FCHO1: variants seen among roughly 807,000 people sequenced by gnomAD.
The protein encoded by FCHO1 is FCH and mu domain containing endocytic adaptor 1.
Under a neutral mutation model 114.4 loss-of-function variants are expected in FCHO1, and 45 were observed. The observed-to-expected ratio is 0.39, with a 90% confidence interval of 0.31 to 0.50. FCHO1 has a LOEUF of 0.50. Ranked by LOEUF, FCHO1 falls within the 20% of genes least tolerant of loss-of-function variation. The pLI is 0.77. For missense variants in FCHO1, 1,042 were observed against 1,209.6 expected, an observed-to-expected ratio of 0.86 and a Z score of 2.06; for synonymous variants, 480 against 488.9, an observed-to-expected ratio of 0.98 and a Z score of 0.24.
intron 18 of FCHO1, among the ~76,000 whole-genome samples, chr19:17,777,506 A>G (rs1010789181): frequency 7.6e-6 from 1 of 130,780 alleles, no homozygotes; most frequent in African/African-American, 2.9e-5. Flanking sequence ...ATTGCATTCC[A>G]GCCTGGGCAG....
At position 17,778,330 on chromosome 19, in the gene FCHO1, G is replaced by T. The variant is rs2092910071; in HGVS notation, c.1351+102G>T. 2.9e-6 allele frequency: 3 copies of T among 1,027,770 alleles called. No individual in the cohort carries two copies. The African/African-American group carries it at 4.7e-5, about 16-fold the overall frequency. The allele number at this position is 1,027,770 out of a possible 1,614,324, so 63.7% of individuals were successfully genotyped here. On this transcript the variant is annotated intron_variant, in intron 19 of 28. Transcript: ENST00000596536. ...ATGAGGTCCCCTGGAAGCCAGGCTGGAGGGAGGACTAGTCCGTGTAGGGGT... is the reference window on the plus strand; with the variant it reads ...ATGAGGTCCCCTGGAAGCCAGGCTGTAGGGAGGACTAGTCCGTGTAGGGGT...
rs771697942 is a variant in FCHO1 at position 17,787,830 on chromosome 19, G to A, written c.2631G>A (p.Lys877=). ...GCGGTTACCGCATGTCGCTGGTGAAGAGGAGGTTTGCCACAGGTACTCCCC... is the reference window on the plus strand; with the variant it reads ...GCGGTTACCGCATGTCGCTGGTGAAAAGGAGGTTTGCCACAGGTACTCCCC... ...VGSGYRMSLV[K]RRFATGMYLV... The change falls in exon 28 of 29, where the codon AAG becomes AAA. Residue 877 remains lysine (K), a synonymous_variant. Transcript: ENST00000596536. 1 of 1,613,398 alleles carries A rather than the reference G, an allele frequency of 6.2e-7. No individual in the cohort carries two copies. The highest frequency in any genetic ancestry group is 8.5e-7 in the Non-Finnish European group (1 of 1,179,796).
rs572526179 is a variant in FCHO1, at chr19:17,776,774, G to A, written c.1259+88G>A. ...TCTCCGCCTGGTGTTCTCTTGTCCC[G>A]GCTGGGAGTTGACGTCATGCTGGGG... is the stretch of plus-strand genomic sequence containing the variant. On this transcript the variant is annotated intron_variant, in intron 18 of 28. Coordinates refer to ENST00000596536, the MANE Select transcript of FCHO1 (RefSeq NM_015122.3). This position sits in a 1 kb window ranked among gnomAD's most constrained non-coding sequence, Gnocchi z 4.4. 88 of 1,278,846 alleles carry A rather than the reference G, an allele frequency of 6.9e-5. No homozygotes were observed. The highest frequency in any genetic ancestry group is 6.8e-4 in the African/African-American group (46 of 67,300). The allele number at this position is 1,278,846 out of a possible 1,614,324, so 79.2% of individuals were successfully genotyped here. A position where few individuals can be genotyped will look rare whatever the true frequency, so the allele number is the denominator to read the frequency against.
Position 17,787,191 on chromosome 19 carries a change from T to C in FCHO1, c.2483-491T>C, listed in dbSNP as rs1175701012. On this transcript the variant is annotated intron_variant, in intron 27 of 28. Transcript: ENST00000596536. ...GTGAGCCGAGATCGTGCCACTGCACTCCAGCCAGGGTGACAGAGCGAGACT... is the reference window on the plus strand; with the variant it reads ...GTGAGCCGAGATCGTGCCACTGCACCCCAGCCAGGGTGACAGAGCGAGACT... Among the ~76,000 whole-genome samples, 3 of 119,988 alleles carry C rather than the reference T, an allele frequency of 2.5e-5. No individual in the cohort carries two copies. The Admixed American group carries it at 3.5e-4, about 14-fold the overall frequency. 78.7% of individuals were successfully genotyped at this position (119,988 alleles called of 152,430 possible). A position where few individuals can be genotyped will look rare whatever the true frequency, so the allele number is the denominator to read the frequency against.
chr19:17,754,829 C>T, intron 3 of FCHO1, 148 bp downstream of exon 3: 1 of 361,862 alleles, frequency 2.8e-6, no homozygotes. Context: ...ACCCCACATT[C>T]CATGCCCCCT....
intron 4 of FCHO1, chr19:17,755,518 GGGTC>G: frequency 4.3e-6 from 1 of 233,000 alleles, no homozygotes. Flanking sequence ...CCAGGACCCA[GGGTC>G]ATTCCAGCCA....
At chr19:17,786,531 A>G (rs749568543) in intron 26 of FCHO1, 43 bp from the exon 27 acceptor site, 10 of 1,606,086 alleles carry the variant, frequency 6.2e-6, no homozygotes, top group Non-Finnish European at 8.5e-6. Context: ...GGCTCTCAGC[A>G]TCCTCTCTGG....
At chr19:17,765,488 A>G (rs1468818116) in intron 6 of FCHO1, among the ~76,000 whole-genome samples, 2 of 152,084 alleles carry the variant, frequency 1.3e-5, no homozygotes, top group African/African-American at 4.8e-5. Flanking sequence ...CCTGGGCAAC[A>G]TGGAGAAACC....
chr19:17,765,765 T>C (rs1035283710), intron 6 of FCHO1, among the ~76,000 whole-genome samples: 8 of 150,856 alleles, frequency 5.3e-5, no homozygotes, highest in South Asian at 2.1e-4. Context: ...AAAAGTTCTG[T>C]GGGGCAGGCA....
At chr19:17,780,630 C>G (rs2093313884) in intron 20 of FCHO1, among the ~76,000 whole-genome samples, 1 of 151,920 alleles carries the variant, frequency 6.6e-6, no homozygotes, top group Non-Finnish European at 1.5e-5. Flanking sequence ...CAGGGCAGCC[C>G]CCGCCCCCGA....
At chr19:17,768,942 A>G (rs1468251656) in intron 7 of FCHO1, among the ~76,000 whole-genome samples, 1 of 150,266 alleles carries the variant, frequency 6.7e-6, no homozygotes, top group African/African-American at 2.5e-5. Context: ...TGAGCCTAAG[A>G]GTTAGAGACC....
intron 4 of FCHO1, among the ~76,000 whole-genome samples, chr19:17,761,664 T>C (rs1024879223): frequency 5.2e-5 from 7 of 135,580 alleles, no homozygotes; most frequent in South Asian, 4.8e-4. Context: ...ACACACACAC[T>C]TCCCCCCCGC....
chr19:17,772,450 G>A lies in FCHO1; in HGVS notation c.595-7G>A. ...CCTTTCCACCTGCCTCTGCCCTCCT[G>A]CTTCAGCGCTTCCAAGCCATGGAGG... is the stretch of plus-strand genomic sequence containing the variant. On this transcript the variant is annotated splice_polypyrimidine_tract_variant and splice_region_variant and intron_variant, in intron 9 of 28. Transcript: ENST00000596536. The A allele has an allele frequency of 6.2e-7, 1 of 1,613,134 alleles. No individual in the cohort carries two copies. Among genetic ancestry groups the A allele is most frequent in the Non-Finnish European group, 8.5e-7 (1 of 1,179,296 alleles).
At chr19:17,780,951 C>T (rs2093346655) in intron 20 of FCHO1, among the ~76,000 whole-genome samples, 1 of 152,242 alleles carries the variant, frequency 6.6e-6, no homozygotes, top group South Asian at 2.1e-4. Context: ...CCCCTTACAG[C>T]ATGCCTGCGT....
intron 4 of FCHO1, among the ~76,000 whole-genome samples, chr19:17,758,263 A>G (rs2084588828): frequency 6.6e-6 from 1 of 151,410 alleles, no homozygotes; most frequent in Non-Finnish European, 1.5e-5. Flanking sequence ...AGGGAGCAAC[A>G]GTGAAGTGGG....
In FCHO1 at chr19:17,774,371, G is replaced by A. The variant is rs751669268; in HGVS notation, c.836-23G>A. The A allele has an allele frequency of 1.9e-5, 31 of 1,613,548 alleles. No individual in the cohort carries two copies. In the Admixed American group the frequency reaches 4.7e-4, roughly 24 times the overall value. ...TGTGAAAGGAGGCTCACAGTGCTCAGGTGCCCCCCAATCTATCCTCAGCGA... is the reference window on the plus strand; with the variant it reads ...TGTGAAAGGAGGCTCACAGTGCTCAAGTGCCCCCCAATCTATCCTCAGCGA... On this transcript the variant is annotated intron_variant, in intron 12 of 28. Coordinates refer to ENST00000596536, the MANE Select transcript of FCHO1 (RefSeq NM_015122.3).
At chr19:17,773,847 CCTTTCCA>C (rs1445396306) in intron 11 of FCHO1, among the ~76,000 whole-genome samples, 1 of 151,784 alleles carries the variant, frequency 6.6e-6, no homozygotes, top group African/African-American at 2.4e-5. Context: ...AGTGTACTAC[CCTTTCCA>C]AGCGCAGTCT....
chr19:17,770,773 T>C lies in FCHO1; in HGVS notation c.490-19T>C, dbSNP rs1177808989. Reference sequence around the variant, plus strand: ...TGAGTATCGCCCTCCCATCCCCGTTTCCTCCCTGTGCTTTGTAGGCGGAGA... The same window carrying C: ...TGAGTATCGCCCTCCCATCCCCGTTCCCTCCCTGTGCTTTGTAGGCGGAGA... On this transcript the variant is annotated intron_variant, in intron 8 of 28. Coordinates refer to ENST00000596536, the MANE Select transcript of FCHO1 (RefSeq NM_015122.3). 1 of 1,613,586 alleles carries C rather than the reference T, an allele frequency of 6.2e-7. No individual in the cohort carries two copies. The highest frequency in any genetic ancestry group is 1.3e-5 in the African/African-American group (1 of 75,026).
At position 17,776,753 on chromosome 19, in the gene FCHO1, C is replaced by CGAG. The variant is rs1012824364; in HGVS notation, c.1259+68_1259+69insAGG. 6 of 1,461,358 alleles carry CGAG rather than the reference C, an allele frequency of 4.1e-6. No homozygotes were observed. The highest frequency in any genetic ancestry group is 5.7e-6 in the Non-Finnish European group (6 of 1,050,008). The allele number at this position is 1,461,358 out of a possible 1,614,324, so 90.5% of individuals were successfully genotyped here. ...TCCTCCCTCCACCTCCCCATGTCTC[C>CGAG]GCCTGGTGTTCTCTTGTCCCGGCTG... On this transcript the variant is annotated intron_variant, in intron 18 of 28. Transcript: ENST00000596536. The surrounding 1 kb of genome is among the most constrained non-coding windows in gnomAD (Gnocchi z 4.4).
Sources: gnomAD v4.1 joint callset for allele counts (sites outside exome capture counted in the v4.1 genomes callset) on GRCh38, gnomAD v4.1.1 for gene constraint, Gnocchi (gnomAD v3.1) non-coding constraint, MANE v1.5 for transcripts, NCBI Gene and HGNC (gene_info 2026-07-23, HGNC 2026-07-21) for gene names.